MMEL1: variants seen among roughly 807,000 people sequenced by gnomAD.
The protein encoded by MMEL1 is membrane metalloendopeptidase like 1.
Under a neutral mutation model 117.1 loss-of-function variants are expected in MMEL1, and 98 were observed. That is an observed-to-expected ratio of 0.84 (90% CI 0.71 to 0.99). MMEL1 has a LOEUF of 0.99. MMEL1 is among the 50% of genes least tolerant of loss of function. The pLI is 0.00. For synonymous variants in MMEL1, 390 were observed against 415.1 expected (o/e 0.94, Z 0.74); for missense variants, 1,014 against 1,049.1 (o/e 0.97, Z 0.46).
intron 2 of MMEL1, among the ~76,000 whole-genome samples, chr1:2,621,459 A>G (rs1468646769): frequency 6.6e-6 from 1 of 152,168 alleles, no homozygotes; most frequent in Non-Finnish European, 1.5e-5. Context: ...ATTGGTTCCA[A>G]GTCTTTAGAT....
intron 2 of MMEL1, among the ~76,000 whole-genome samples, chr1:2,624,116 C>T (rs1462086219): frequency 2.0e-5 from 3 of 152,178 alleles, no homozygotes; most frequent in Non-Finnish European, 4.4e-5. Context: ...TGAGACTGGG[C>T]CACGACACCA....
At chr1:2,615,819 A>G (rs543933327) in intron 2 of MMEL1, among the ~76,000 whole-genome samples, 2 of 152,310 alleles carry the variant, frequency 1.3e-5, no homozygotes, top group East Asian at 1.9e-4. Context: ...ACAATGTTAA[A>G]TGGCTTAACA....
chr1:2,622,481 AG>A (rs1453507851), intron 2 of MMEL1, among the ~76,000 whole-genome samples: 19 of 152,372 alleles, frequency 1.2e-4, no homozygotes, highest in African/African-American at 4.6e-4. Context: ...CCAAGATGTA[AG>A]AAGAAAGATG....
chr1:2,628,578 G>C (rs909195150), intron 2 of MMEL1, among the ~76,000 whole-genome samples: 1 of 152,194 alleles, frequency 6.6e-6, no homozygotes, highest in Non-Finnish European at 1.5e-5. Flanking sequence ...GACCAGGGCT[G>C]TGCCTGCGGA....
At chr1:2,591,690 T>TG in intron 22 of MMEL1, 57 bp from the exon 23 acceptor site, 1 of 376,510 alleles carries the variant, frequency 2.7e-6, no homozygotes, top group Admixed American at 3.3e-5. Context: ...CCAGGAGGGG[T>TG]GGGGGAGGGT....
chr1:2,607,911 G>C (rs1270740033), intron 6 of MMEL1, among the ~76,000 whole-genome samples: 1 of 152,292 alleles, frequency 6.6e-6, no homozygotes, highest in South Asian at 2.1e-4. Context: ...GATGCCGTGG[G>C]GAGTGCCGTC....
chr1:2,621,620 A>G (rs1040649723), intron 2 of MMEL1, among the ~76,000 whole-genome samples: 1 of 151,844 alleles, frequency 6.6e-6, no homozygotes, highest in African/African-American at 2.4e-5. Context: ...TCATCATGCA[A>G]TGGCACGATC....
chr1:2,622,883 C>CA (rs60522932), intron 2 of MMEL1, among the ~76,000 whole-genome samples: 1,843 of 103,926 alleles, frequency 0.018, 31 homozygotes, highest in Middle Eastern at 0.027. Flanking sequence ...AACTCTGTCT[C>CA]AAAAAAAAAA....
At chr1:2,608,728 A>G (rs957703622) in intron 6 of MMEL1, among the ~76,000 whole-genome samples, 3 of 152,076 alleles carry the variant, frequency 2.0e-5, no homozygotes, top group African/African-American at 7.2e-5. Flanking sequence ...ACTATACACA[A>G]TACACATGTG....
In MMEL1 at chr1:2,606,105, G is replaced by A. The variant is rs902909756; in HGVS notation, c.750+143C>T. The A allele has an allele frequency of 4.0e-5, 27 of 668,256 alleles. No individual in the cohort carries two copies. The South Asian group carries it at 4.2e-4, about 10-fold the overall frequency. 41.4% of individuals were successfully genotyped at this position (668,256 alleles called of 1,614,324 possible). On this transcript the variant is annotated intron_variant, in intron 8 of 23. Transcript: ENST00000378412. ...AGCAGCAGCTCGTTCCCGGGCCCAC[G>A]GACGTGGACAGGAGCCAGGAGCCCA... is the stretch of plus-strand genomic sequence containing the variant.
At chr1:2,626,395 T>C (rs1307167697) in intron 2 of MMEL1, among the ~76,000 whole-genome samples, 1 of 152,242 alleles carries the variant, frequency 6.6e-6, no homozygotes, top group African/African-American at 2.4e-5. Flanking sequence ...CACTCCAGTC[T>C]TGGGGTTGGA....
intron 3 of MMEL1, 198 bp from the exon 4 acceptor site, chr1:2,611,538 G>T (rs1645129059): frequency 1.9e-6 from 1 of 519,184 alleles, no homozygotes; most frequent in Non-Finnish European, 3.4e-6. Context: ...GCATAGTCTG[G>T]TGGGGGTGGG....
intron 2 of MMEL1, among the ~76,000 whole-genome samples, chr1:2,614,852 C>A (rs114551988): frequency 6.6e-6 from 1 of 150,930 alleles, no homozygotes; most frequent in Non-Finnish European, 1.5e-5. Flanking sequence ...AGGAAACATA[C>A]GAGATGAGCT....
chr1:2,594,139 G>A, intron 18 of MMEL1: 1 of 782,344 alleles, frequency 1.3e-6, no homozygotes, highest in Non-Finnish European at 2.0e-6. Context: ...CCTCAGTCCG[G>A]CCTCCTCCCA....
At chr1:2,627,995 G>A (rs1296991466) in intron 2 of MMEL1, among the ~76,000 whole-genome samples, 4 of 152,230 alleles carry the variant, frequency 2.6e-5, no homozygotes, top group African/African-American at 7.2e-5. Flanking sequence ...GTGGGCTCAG[G>A]CCCTTTGGCA....
chr1:2,592,394 C>T (rs1212633616), intron 21 of MMEL1, among the ~76,000 whole-genome samples: 36 of 56,466 alleles, frequency 6.4e-4, no homozygotes, highest in Non-Finnish European at 7.9e-4. Flanking sequence ...TCCCCTGCCG[C>T]GCTGATGCCC....
rs955972082 is a variant in MMEL1, at chr1:2,595,011, C to T, written c.1585-118G>A. ...GCCTTGCCAGGCGTCCGCACGTGGACAGTCGGCTGTGGGTGCAGGTGAACG... is the reference window on the plus strand; with the variant it reads ...GCCTTGCCAGGCGTCCGCACGTGGATAGTCGGCTGTGGGTGCAGGTGAACG... On this transcript the variant is annotated intron_variant, in intron 16 of 23. Transcript: ENST00000378412. The surrounding 1 kb of genome is among the most constrained non-coding windows in gnomAD (Gnocchi z 4.8). The T allele has an allele frequency of 7.2e-5, 61 of 849,482 alleles. No individual in the cohort carries two copies. The highest frequency in any genetic ancestry group is 1.0e-4 in the Non-Finnish European group (53 of 528,862). The allele number at this position is 849,482 out of a possible 1,614,324, so 52.6% of individuals were successfully genotyped here.
At position 2,609,796 on chromosome 1, in the gene MMEL1, C is replaced by T. The variant is rs1197449364; in HGVS notation, c.328G>A (p.Glu110Lys). The change falls in exon 5 of 24, where the codon GAA becomes AAA. Residue 110 changes from glutamate (E) to lysine (K), a missense_variant. Coordinates refer to ENST00000378412, the MANE Select transcript of MMEL1 (RefSeq NM_033467.4). Reference protein sequence around the residue: ...RILQNMDPTTEPCDDFYQFAC... With the variant: ...RILQNMDPTTKPCDDFYQFAC... ...AACTGGTAGAAGTCGTCACACGGTT[C>T]CGTGGTCGGGTCCATGTTCTGGAGG... is the stretch of plus-strand genomic sequence containing the variant. 4.3e-6 allele frequency: 7 copies of T among 1,613,204 alleles called. No homozygotes were observed. In the South Asian group the frequency reaches 7.7e-5, roughly 18 times the overall value.
chr1:2,628,150 T>G (rs12730932), intron 2 of MMEL1, among the ~76,000 whole-genome samples: 91,560 of 152,032 alleles, frequency 0.6, 28,301 homozygotes, highest in Non-Finnish European at 0.68. Context: ...GGTTCCTCAG[T>G]GTGAGTGAGC....
Sources: gnomAD v4.1 joint callset for allele counts (sites outside exome capture counted in the v4.1 genomes callset) on GRCh38, gnomAD v4.1.1 for gene constraint, Gnocchi (gnomAD v3.1) non-coding constraint, MANE v1.5 for transcripts, NCBI Gene and HGNC (gene_info 2026-07-23, HGNC 2026-07-21) for gene names.